The following MEAF6 variants were observed in gnomAD, a reference collection of about 807,000 sequenced individuals.
MEAF6 encodes the protein MYST/Esa1 associated factor 6, also known as chromatin modification-related protein MEAF6.
Under a neutral mutation model 28.9 loss-of-function variants are expected in MEAF6, and 15 were observed. The ratio of observed to expected loss-of-function variants is 0.52; its 90% CI spans 0.35 to 0.80. MEAF6 has a LOEUF of 0.80. MEAF6 is among the 30% of genes least tolerant of loss of function. MEAF6 has a pLI of 0.01. For synonymous variants in MEAF6, 97 were observed against 88.7 expected, an observed-to-expected ratio of 1.09 and a Z score of -0.53; for missense variants, 178 against 237.5, an observed-to-expected ratio of 0.75 and a Z score of 1.65.
At chr1:37,513,610 T>G in intron 1 of MEAF6, 72 bp from the exon 2 acceptor site, 4 of 1,188,208 alleles carry the variant, frequency 3.4e-6, no homozygotes, top group Non-Finnish European at 5.0e-6. Context: ...CAAAATGAAA[T>G]CCTGATATTA....
chr1:37,509,833 A>G (rs558422346), intron 2 of MEAF6, among the ~76,000 whole-genome samples: 6 of 152,196 alleles, frequency 3.9e-5, no homozygotes, highest in East Asian at 1.9e-4. Context: ...CTGGAGTGCA[A>G]TGGCAGAATC....
chr1:37,507,745 C>T (rs767003686), intron 4 of MEAF6, among the ~76,000 whole-genome samples: 7 of 151,754 alleles, frequency 4.6e-5, no homozygotes, highest in Non-Finnish European at 7.4e-5. Context: ...CTTTGGGAGG[C>T]CCCTAGAAAG....
chr1:37,502,433 A>C (rs1302129328), intron 4 of MEAF6, among the ~76,000 whole-genome samples: 2 of 152,030 alleles, frequency 1.3e-5, no homozygotes, highest in African/African-American at 4.8e-5. Flanking sequence ...CTTTTATTAA[A>C]TGTAATCTAC....
intron 2 of MEAF6, among the ~76,000 whole-genome samples, chr1:37,512,846 C>T (rs1390447755): frequency 6.6e-6 from 1 of 151,998 alleles, no homozygotes; most frequent in African/African-American, 2.4e-5. Flanking sequence ...GAGCTAAGTT[C>T]GTGCTACTGC....
chr1:37,514,398 C>G (rs1642769416), intron 1 of MEAF6: 2 of 275,556 alleles, frequency 7.3e-6, no homozygotes, highest in African/African-American at 4.5e-5. Context: ...ACCGTCCTCC[C>G]TCCACGCCCC....
intron 1 of MEAF6, chr1:37,513,904 C>G: frequency 3.5e-6 from 1 of 283,028 alleles, no homozygotes; most frequent in Non-Finnish European, 6.6e-6. Context: ...GAAAGGTGAG[C>G]AGCCTTTCAG....
At chr1:37,510,445 G>A (rs956155884) in intron 2 of MEAF6, among the ~76,000 whole-genome samples, 4 of 141,968 alleles carry the variant, frequency 2.8e-5, no homozygotes, top group East Asian at 2.2e-4. Context: ...GCAGTGGTGC[G>A]ATCCAGGGTC....
At chr1:37,509,152 GGAA>G (rs768374891) in intron 4 of MEAF6, 123 bp downstream of exon 4, 377 of 901,112 alleles carry the variant, frequency 4.2e-4, no homozygotes, top group South Asian at 1.1e-3. Flanking sequence ...AAAACTTCCA[GGAA>G]GAAGAGGGAA....
At chr1:37,506,076 G>A (rs1180752425) in intron 4 of MEAF6, among the ~76,000 whole-genome samples, 1 of 152,196 alleles carries the variant, frequency 6.6e-6, no homozygotes, top group Non-Finnish European at 1.5e-5. Context: ...TTCAAGACCA[G>A]CCTGGCTAAC....
Position 37,490,257 on chromosome 1 carries a change from T to G in MEAF6, c.*3842A>C, listed in dbSNP as rs1033697075. Among the ~76,000 whole-genome samples the G allele has an allele frequency of 1.3e-5, 2 of 150,924 alleles. No individual in the cohort carries two copies. Among genetic ancestry groups the G allele is most frequent in the African/African-American group, 4.9e-5 (2 of 41,136 alleles). On this transcript the variant is annotated 3_prime_UTR_variant, in exon 7 of 7. Transcript: ENST00000296214. Reference sequence around the variant, plus strand: ...CACAGCCCACTTTAGTGGTGACAACTTTTAATCCACGGAAGCAGTTTTTCA... The same window carrying G: ...CACAGCCCACTTTAGTGGTGACAACGTTTAATCCACGGAAGCAGTTTTTCA...
chr1:37,496,180 A>C (rs1557604216), intron 5 of MEAF6, among the ~76,000 whole-genome samples: 1 of 152,240 alleles, frequency 6.6e-6, no homozygotes, highest in Non-Finnish European at 1.5e-5. Context: ...AAAGCCATAT[A>C]ATTTTAAAAC....
intron 6 of MEAF6, among the ~76,000 whole-genome samples, chr1:37,495,353 T>TA (rs1195751976): frequency 6.7e-6 from 1 of 149,216 alleles, no homozygotes; most frequent in Non-Finnish European, 1.5e-5. Context: ...AATAAATAAA[T>TA]AAATAAATAA....
intron 4 of MEAF6, among the ~76,000 whole-genome samples, chr1:37,505,094 G>A (rs1246117869): frequency 1.3e-5 from 2 of 152,136 alleles, no homozygotes; most frequent in Non-Finnish European, 2.9e-5. Context: ...ATGTTGGCCA[G>A]GCTAGTCTCA....
At chr1:37,507,057 C>T (rs1481730955) in intron 4 of MEAF6, among the ~76,000 whole-genome samples, 2 of 152,136 alleles carry the variant, frequency 1.3e-5, no homozygotes, top group African/African-American at 2.4e-5. Context: ...CTGTGGCTCA[C>T]GCCTGTAATC....
intron 5 of MEAF6, chr1:37,501,432 A>T (rs1642299600): frequency 6.0e-6 from 1 of 167,016 alleles, no homozygotes; most frequent in Non-Finnish European, 1.3e-5. Context: ...AGAAGACTTT[A>T]TCCCACTTTA....
intron 6 of MEAF6, among the ~76,000 whole-genome samples, chr1:37,495,682 C>T (rs1338575161): frequency 1.4e-5 from 1 of 70,396 alleles, no homozygotes; most frequent in African/African-American, 4.3e-5. Flanking sequence ...GAAACTGTCT[C>T]TCAAAAAAAA....
At chr1:37,494,515 CA>C (rs35851858) in intron 6 of MEAF6, among the ~76,000 whole-genome samples, 10,711 of 82,236 alleles carry the variant, frequency 0.13, 321 homozygotes, top group South Asian at 0.19. Flanking sequence ...AACTCTGTTT[CA>C]AAAAAAAAAA....
chr1:37,494,850 A>T (rs1432350333), intron 6 of MEAF6, among the ~76,000 whole-genome samples: 6 of 151,988 alleles, frequency 3.9e-5, no homozygotes, highest in East Asian at 1.9e-4. Context: ...AAAAAAATTT[A>T]AAAAAAGATT....
chr1:37,491,181 C>T lies in MEAF6; in HGVS notation c.*2918G>A, dbSNP rs914350939. Among the ~76,000 whole-genome samples the T allele has an allele frequency of 1.3e-5, 2 of 152,162 alleles. No homozygotes were observed. Among genetic ancestry groups the T allele is most frequent in the Non-Finnish European group, 2.9e-5 (2 of 68,026 alleles). On this transcript the variant is annotated 3_prime_UTR_variant, in exon 7 of 7. Coordinates refer to ENST00000296214, the MANE Select transcript of MEAF6 (RefSeq NM_001270875.3). ...ACTATTTATCGCTCATTTTAATTAT[C>T]TTCTTTACTGCACAGGTCAAGATGT...
Sources: allele counts gnomAD v4.1 joint callset (sites outside exome capture counted in the v4.1 genomes callset), GRCh38; gene constraint gnomAD v4.1.1; transcripts MANE v1.5; gene names NCBI Gene and HGNC (gene_info 2026-07-23, HGNC 2026-07-21).